The following KLRG2 variants were observed in gnomAD, a reference collection of about 807,000 sequenced individuals.
KLRG2 encodes killer cell lectin like receptor G2, also known as killer cell lectin-like receptor subfamily G member 2.
In KLRG2, 39 loss-of-function variants were observed where a neutral mutation model predicts 35.4. That is an observed-to-expected ratio of 1.10 (90% CI 0.85 to 1.44). KLRG2 has a LOEUF of 1.44. Among genes scored for constraint, KLRG2 ranks in the 40% most tolerant of loss-of-function variants. The probability of loss-of-function intolerance (pLI) is 0.00; values close to 1 mark genes in which losing one functional copy is unlikely to be tolerated. For synonymous variants in KLRG2, 283 were observed against 265.8 expected, an observed-to-expected ratio of 1.06 and a Z score of -0.63; for missense variants, 632 against 570.9, an observed-to-expected ratio of 1.11 and a Z score of -1.09.
chr7:139,483,343 C>G lies in KLRG2; in HGVS notation c.300G>C (p.Leu100Phe). 2 of 1,543,416 alleles carry G rather than the reference C, an allele frequency of 1.3e-6. No individual in the cohort carries two copies. Among genetic ancestry groups the G allele is most frequent in the Non-Finnish European group, 1.7e-6 (2 of 1,154,692 alleles). The change falls in exon 1 of 5, where the codon TTG (leucine) becomes TTC (phenylalanine). Residue 100 changes from leucine to phenylalanine, a missense_variant. Leu to Phe is a conservative substitution (Grantham distance 22). Transcript: ENST00000340940. ...CCTCGCCATTCCGGGGCAGCTTGAC[C>G]AAGGCAGGGCCCGGTGACGGCGGCT... ...CPEPPSPGPA[L>F]VKLPRNGEAP... is the part of the protein sequence containing the mutation.
At chr7:139,442,897 C>T in the KLRG2 span, among the ~76,000 whole-genome samples, 1 of 151,720 alleles carries the variant, frequency 6.6e-6, no homozygotes, top group South Asian at 2.1e-4. Flanking sequence ...AGAAGTAATC[C>T]TGAAATCATA....
At chr7:139,457,755 G>A (rs986358493) in intron 3 of KLRG2, among the ~76,000 whole-genome samples, 1 of 149,228 alleles carries the variant, frequency 6.7e-6, no homozygotes, top group Non-Finnish European at 1.5e-5. Context: ...CCCCAGCCCC[G>A]CCTAGACCCA....
intron 3 of KLRG2, among the ~76,000 whole-genome samples, chr7:139,455,478 T>C (rs540830304): frequency 5.0e-4 from 76 of 152,118 alleles, no homozygotes; most frequent in African/African-American, 1.3e-3. Flanking sequence ...CCCGCCACCA[T>C]GCCTGGCTAA....
chr7:139,458,618 T>C (rs1207758521), intron 3 of KLRG2, among the ~76,000 whole-genome samples: 2 of 152,196 alleles, frequency 1.3e-5, no homozygotes, highest in Non-Finnish European at 1.5e-5. Context: ...CCATGTCTGT[T>C]TTAATATTAA....
At chr7:139,451,363 G>A (rs996875569), downstream of KLRG2, among the ~76,000 whole-genome samples, 7 of 152,114 alleles carry the variant, frequency 4.6e-5, no homozygotes, top group African/African-American at 1.7e-4. Context: ...AGCTGGGCAT[G>A]GTGGTAGATG....
intron 3 of KLRG2, among the ~76,000 whole-genome samples, chr7:139,465,716 A>AAAGG (rs1367559229): frequency 6.6e-6 from 1 of 151,730 alleles, no homozygotes; most frequent in East Asian, 1.9e-4. Context: ...AGAAAGAAAG[A>AAAGG]AAGGAAGGAA....
the KLRG2 span, among the ~76,000 whole-genome samples, chr7:139,430,752 T>G: frequency 5.3e-5 from 8 of 152,162 alleles, no homozygotes; most frequent in African/African-American, 1.9e-4. Flanking sequence ...CTCACCCCTC[T>G]AATCCCAGCA....
At chr7:139,435,164 C>T in the KLRG2 span, among the ~76,000 whole-genome samples, 1 of 152,124 alleles carries the variant, frequency 6.6e-6, no homozygotes, top group Non-Finnish European at 1.5e-5. Context: ...CTTAAAAAAA[C>T]TTTATTGAGA....
intron 1 of KLRG2, among the ~76,000 whole-genome samples, chr7:139,481,976 C>T (rs1218091174): frequency 1.3e-5 from 2 of 152,206 alleles, no homozygotes; most frequent in African/African-American, 2.4e-5. Flanking sequence ...TTGGCTATCT[C>T]TTGCCCCAAA....
chr7:139,480,745 CT>C (rs34710698), intron 1 of KLRG2, among the ~76,000 whole-genome samples: 28,423 of 112,748 alleles, frequency 0.25, 3,197 homozygotes, highest in Middle Eastern at 0.36. Flanking sequence ...GCGTCTGGCC[CT>C]TTTTTTTTTT....
the KLRG2 span, among the ~76,000 whole-genome samples, chr7:139,447,651 C>A: frequency 1.3e-5 from 2 of 152,088 alleles, no homozygotes; most frequent in African/African-American, 4.8e-5. Context: ...GATCTGCCCA[C>A]CTCGGCCTCC....
At chr7:139,445,664 G>C in the KLRG2 span, among the ~76,000 whole-genome samples, 1,924 of 150,306 alleles carry the variant, frequency 0.013, 42 homozygotes, top group African/African-American at 0.045. Flanking sequence ...GAAATCACAG[G>C]GGGCAGATGG....
Position 139,476,965 on chromosome 7 carries a change from G to A in KLRG2, c.1005+2662C>T, listed in dbSNP as rs76527188. Among the ~76,000 whole-genome samples the A allele has an allele frequency of 1.3e-3, 197 of 152,212 alleles. 4 individuals are homozygous for A. The East Asian group carries it at 0.034, about 27-fold the overall frequency. On this transcript the variant is annotated intron_variant, in intron 3 of 4. Transcript: ENST00000340940. ...GTCAAGGTGGGGGCTGTGCTATTCT[G>A]GCTCATTATTGAATCCCCCTTGCCA...
chr7:139,435,024 G>GT, the KLRG2 span, among the ~76,000 whole-genome samples: 1 of 152,140 alleles, frequency 6.6e-6, no homozygotes, highest in Non-Finnish European at 1.5e-5. Flanking sequence ...GGTACTCAAG[G>GT]TATCATGATA....
intron 3 of KLRG2, among the ~76,000 whole-genome samples, chr7:139,465,387 T>C (rs997302391): frequency 6.6e-6 from 1 of 152,134 alleles, no homozygotes; most frequent in African/African-American, 2.4e-5. Flanking sequence ...TCAAAGCCGC[T>C]TTACTTCCAA....
At position 139,479,711 on chromosome 7, in the gene KLRG2, G is replaced by C. The variant is rs1464475419; in HGVS notation, c.921C>G (p.Phe307Leu). The C allele has an allele frequency of 6.2e-7, 1 of 1,613,952 alleles. No homozygotes were observed. The highest frequency in any genetic ancestry group is 8.5e-7 in the Non-Finnish European group (1 of 1,180,008). ...WVLSEEHCYYFSAEAQAWEAS... is the reference protein window; with the variant it reads ...WVLSEEHCYYLSAEAQAWEAS... ...CTTCCCAGGCCTGCGCTTCTGCAGA[G>C]AAGTAGTAACAGTGCTCCTCGGACA... Residue 307 changes from phenylalanine (F) to leucine (L), a missense_variant, in exon 3 of 5, where the codon TTC becomes TTG. Phe to Leu is a conservative substitution (Grantham distance 22). Transcript: ENST00000340940.
chr7:139,459,583 C>G (rs746362520), intron 3 of KLRG2, among the ~76,000 whole-genome samples: 1 of 152,212 alleles, frequency 6.6e-6, no homozygotes, highest in Non-Finnish European at 1.5e-5. Context: ...CAGGGCCCAG[C>G]CCAGGCGCTG....
chr7:139,439,298 C>T, the KLRG2 span, among the ~76,000 whole-genome samples: 3 of 152,282 alleles, frequency 2.0e-5, no homozygotes, highest in Admixed American at 2.0e-4. Flanking sequence ...TCTACGAACT[C>T]TACAACAGGG....
the KLRG2 span, among the ~76,000 whole-genome samples, chr7:139,437,294 G>T: frequency 6.6e-6 from 1 of 151,830 alleles, no homozygotes; most frequent in Admixed American, 6.6e-5. Flanking sequence ...GCATGATGGC[G>T]GGTGCCTGTA....
Sources: allele counts gnomAD v4.1 joint callset (sites outside exome capture counted in the v4.1 genomes callset), GRCh38; gene constraint gnomAD v4.1.1; transcripts MANE v1.5; gene names NCBI Gene and HGNC (gene_info 2026-07-23, HGNC 2026-07-21).